DNAI4: variants seen among roughly 807,000 people sequenced by gnomAD.
The protein encoded by DNAI4 is dynein axonemal intermediate chain 4, also known as WD repeat domain 78.
A neutral mutation model predicts 105.8 loss-of-function variants in DNAI4; 85 were observed. The observed-to-expected ratio is 0.80, with a 90% CI of 0.67 to 0.96. DNAI4 has a LOEUF of 0.96. DNAI4 is among the 40% of genes least tolerant of loss of function. The pLI is 0.00. For synonymous variants in DNAI4, 352 were observed against 331.5 expected, an observed-to-expected ratio of 1.06 and a Z score of -0.67; for missense variants, 1,014 against 1,005.6, an observed-to-expected ratio of 1.01 and a Z score of -0.11.
Position 66,845,361 on chromosome 1 carries a change from T to C in DNAI4, c.1291+2123A>G, listed in dbSNP as rs564303296. ...AACAACACTAAAAGGATTGCCAGCATCAGGTGTTATAAAGAATGTGGAGCA... is the reference window on the plus strand; with the variant it reads ...AACAACACTAAAAGGATTGCCAGCACCAGGTGTTATAAAGAATGTGGAGCA... On this transcript the variant is annotated intron_variant, in intron 8 of 16. Coordinates refer to ENST00000371026, the MANE Select transcript of DNAI4 (RefSeq NM_024763.5). Among the ~76,000 whole-genome samples the C allele has an allele frequency of 3.3e-5, 5 of 152,110 alleles. No homozygotes were observed. The East Asian group carries it at 9.7e-4, about 29-fold the overall frequency.
intron 5 of DNAI4, among the ~76,000 whole-genome samples, chr1:66,872,434 G>T (rs1342739529): frequency 2.6e-5 from 4 of 151,842 alleles, no homozygotes; most frequent in African/African-American, 7.3e-5. Flanking sequence ...TTACCATGTT[G>T]ACCAGGCTGC....
rs1450341920 is a variant in DNAI4, at chr1:66,891,145, T to A, written c.643+9A>T. ...CTGTTACTGAAATAAACAAGTATAT[T>A]TTCATTACCTGTGAAACTAGTCAAT... On this transcript the variant is annotated intron_variant, in intron 4 of 16. Coordinates refer to ENST00000371026, the MANE Select transcript of DNAI4 (RefSeq NM_024763.5). 1.3e-6 allele frequency: 2 copies of A among 1,577,456 alleles called. No homozygotes were observed. Among genetic ancestry groups the A allele is most frequent in the Non-Finnish European group, 1.7e-6 (2 of 1,146,836 alleles).
intron 4 of DNAI4, among the ~76,000 whole-genome samples, chr1:66,879,625 A>G (rs527863610): frequency 1.2e-4 from 19 of 152,302 alleles, no homozygotes; most frequent in Non-Finnish European, 2.6e-4. Flanking sequence ...TCCAAACTGG[A>G]TGTACCATTG....
At chr1:66,831,331 T>A (rs763598948) in intron 13 of DNAI4, among the ~76,000 whole-genome samples, 3 of 152,118 alleles carry the variant, frequency 2.0e-5, no homozygotes, top group Admixed American at 1.3e-4. Flanking sequence ...AAGTCAAAGA[T>A]GTCACAAGAA....
intron 16 of DNAI4, among the ~76,000 whole-genome samples, chr1:66,814,570 G>A (rs1226975070): frequency 6.6e-6 from 1 of 152,082 alleles, no homozygotes; most frequent in Non-Finnish European, 1.5e-5. Context: ...CGGTTTCACT[G>A]TGTTAGCTAG....
chr1:66,839,820 A>T (rs1381394185), intron 9 of DNAI4, among the ~76,000 whole-genome samples: 2 of 152,230 alleles, frequency 1.3e-5, no homozygotes, highest in Admixed American at 1.3e-4. Flanking sequence ...TTGCATTTGA[A>T]TTCTGGCTGT....
At chr1:66,836,149 AAAGAAAG>A (rs1349941482) in intron 10 of DNAI4, among the ~76,000 whole-genome samples, 1 of 32,798 alleles carries the variant, frequency 3.0e-5, no homozygotes, top group Admixed American at 3.5e-4. Flanking sequence ...GAAAAGAAAG[AAAGAAAG>A]AAAGAAAGAA....
At chr1:66,891,880 A>G (rs926609401) in intron 3 of DNAI4, among the ~76,000 whole-genome samples, 2 of 152,206 alleles carry the variant, frequency 1.3e-5, no homozygotes, top group African/African-American at 2.4e-5. Flanking sequence ...ATTCATCTTC[A>G]TTATTAGTCT....
intron 6 of DNAI4, among the ~76,000 whole-genome samples, chr1:66,869,563 A>G (rs910066917): frequency 3.3e-5 from 5 of 152,206 alleles, no homozygotes; most frequent in African/African-American, 4.8e-5. Context: ...CTTAATATGA[A>G]TTGGTTAAGG....
intron 13 of DNAI4, among the ~76,000 whole-genome samples, chr1:66,829,127 A>C (rs1183075419): frequency 6.6e-6 from 1 of 152,222 alleles, no homozygotes; most frequent in Non-Finnish European, 1.5e-5. Flanking sequence ...TCTGGAGAGA[A>C]GATGGCCCTT....
chr1:66,868,648 C>T (rs941816921), intron 6 of DNAI4, among the ~76,000 whole-genome samples: 11 of 152,252 alleles, frequency 7.2e-5, no homozygotes, highest in African/African-American at 2.6e-4. Context: ...CTCTTCAACT[C>T]TCAGGGCTTC....
chr1:66,880,573 T>A (rs1219263113), intron 4 of DNAI4, among the ~76,000 whole-genome samples: 1 of 152,036 alleles, frequency 6.6e-6, no homozygotes, highest in East Asian at 1.9e-4. Context: ...TGAGAGAGAT[T>A]TAGGGTATCT....
chr1:66,837,170 C>T (rs1328896357), intron 10 of DNAI4, among the ~76,000 whole-genome samples: 2 of 151,996 alleles, frequency 1.3e-5, no homozygotes, highest in Non-Finnish European at 2.9e-5. Context: ...TCGAGACCAT[C>T]CTGGCCAACA....
chr1:66,898,467 C>T (rs112895556), intron 2 of DNAI4, among the ~76,000 whole-genome samples: 54 of 152,242 alleles, frequency 3.5e-4, no homozygotes, highest in Middle Eastern at 3.4e-3. Flanking sequence ...TGGGAGGTGA[C>T]TGGGTCAAGA....
At chr1:66,884,549 C>T (rs1227120820) in intron 4 of DNAI4, among the ~76,000 whole-genome samples, 1 of 152,164 alleles carries the variant, frequency 6.6e-6, no homozygotes, top group Non-Finnish European at 1.5e-5. Context: ...TTGAACCATG[C>T]TTGCATCTCA....
rs183321225 is a variant in DNAI4, at chr1:66,894,396, G to C, written c.346-983C>G. 3.3e-5 allele frequency among the ~76,000 whole-genome samples: 5 copies of C among 151,970 alleles called. No homozygotes were observed. The East Asian group carries it at 9.7e-4, about 29-fold the overall frequency. ...TTTTATTGAGACTTTTTTATTATTG[G>C]TAATGTATGAGTCCTTTCAGTTGTA... is the stretch of plus-strand genomic sequence containing the variant. On this transcript the variant is annotated intron_variant, in intron 2 of 16. Transcript: ENST00000371026.
Position 66,836,219 on chromosome 1 carries a change from AGAG to A in DNAI4, c.1582-445_1582-443del, listed in dbSNP as rs1557908459. Among the ~76,000 whole-genome samples, 22 of 106,274 alleles carry A rather than the reference AGAG, an allele frequency of 2.1e-4. 1 individual carries two copies. Among genetic ancestry groups the A allele is most frequent in the Admixed American group, 7.2e-4 (7 of 9,658 alleles). The allele number at this position is 106,274 out of a possible 152,430, so 69.7% of individuals were successfully genotyped here. A position where few individuals can be genotyped will look rare whatever the true frequency, so the allele number is the denominator to read the frequency against. On this transcript the variant is annotated intron_variant, in intron 10 of 16. Coordinates refer to ENST00000371026, the MANE Select transcript of DNAI4 (RefSeq NM_024763.5). ...AAGAAAGAAAGAAAGAGAGAGAGAG[AGAG>A]AGAGAGAGAGAGAAAGAAAGAAAGA... is the stretch of plus-strand genomic sequence containing the variant.
intron 5 of DNAI4, among the ~76,000 whole-genome samples, chr1:66,871,732 C>T (rs950775483): frequency 3.3e-5 from 5 of 152,156 alleles, no homozygotes; most frequent in Non-Finnish European, 2.9e-5. Flanking sequence ...ACTATCGGTA[C>T]CTTATCAATA....
intron 16 of DNAI4, among the ~76,000 whole-genome samples, chr1:66,819,408 ATAG>A (rs1178691868): frequency 6.6e-6 from 1 of 152,034 alleles, no homozygotes; most frequent in Non-Finnish European, 1.5e-5. Context: ...CTGTGATTCT[ATAG>A]TAGTTCATTA....
Sources: allele counts gnomAD v4.1 joint callset (sites outside exome capture counted in the v4.1 genomes callset), GRCh38; gene constraint gnomAD v4.1.1; transcripts MANE v1.5; gene names NCBI Gene and HGNC (gene_info 2026-07-23, HGNC 2026-07-21).